MTUS2: variants seen among roughly 807,000 people sequenced by gnomAD.
MTUS2 encodes microtubule-associated tumor suppressor candidate 2.
Under a neutral mutation model 114.1 loss-of-function variants are expected in MTUS2, and 40 were observed. The ratio of observed to expected loss-of-function variants is 0.35; its 90% CI spans 0.27 to 0.46. The LOEUF is 0.46. Ranked by LOEUF, MTUS2 falls within the 20% of genes least tolerant of loss-of-function variation. The pLI is 1.00. For missense variants in MTUS2, 1,679 were observed against 1,705.4 expected, an observed-to-expected ratio of 0.98 and a Z score of 0.27; for synonymous variants, 688 against 672.0, an observed-to-expected ratio of 1.02 and a Z score of -0.37.
chr13:29,162,415 T>C (rs1260925763), intron 5 of MTUS2, among the ~76,000 whole-genome samples: 1 of 152,204 alleles, frequency 6.6e-6, no homozygotes, highest in East Asian at 1.9e-4. Flanking sequence ...CCTGATCATA[T>C]CCCAAGTTCC....
intron 5 of MTUS2, among the ~76,000 whole-genome samples, chr13:29,233,988 C>A (rs1896437315): frequency 6.6e-6 from 1 of 152,100 alleles, no homozygotes; most frequent in Non-Finnish European, 1.5e-5. Flanking sequence ...ACTAAGCCTA[C>A]ATTTTTAAGA....
chr13:29,430,136 A>G (rs970719901), intron 8 of MTUS2, among the ~76,000 whole-genome samples: 3 of 150,732 alleles, frequency 2.0e-5, no homozygotes, highest in Admixed American at 6.7e-5. Context: ...CGAAGTGGTC[A>G]CAAAAGAGTA....
intron 5 of MTUS2, among the ~76,000 whole-genome samples, chr13:29,172,264 A>G (rs1893595461): frequency 6.6e-6 from 1 of 152,204 alleles, no homozygotes. Flanking sequence ...GCAGAACTTG[A>G]CAATGTCCAA....
At chr13:29,077,397 A>T (rs1007479750) in intron 4 of MTUS2, among the ~76,000 whole-genome samples, 1 of 150,248 alleles carries the variant, frequency 6.7e-6, no homozygotes, top group Non-Finnish European at 1.5e-5. Context: ...TGGTAAAATT[A>T]AAAAAAAAAT....
At chr13:29,343,978 A>T (rs1868415986) in intron 7 of MTUS2, among the ~76,000 whole-genome samples, 1 of 151,944 alleles carries the variant, frequency 6.6e-6, no homozygotes, top group Non-Finnish European at 1.5e-5. Context: ...TTCCTTTTGG[A>T]GTTGAGTTCC....
At chr13:28,887,462 C>G (rs1878660641) in intron 2 of MTUS2, among the ~76,000 whole-genome samples, 1 of 152,206 alleles carries the variant, frequency 6.6e-6, no homozygotes, top group Non-Finnish European at 1.5e-5. Flanking sequence ...GTGAGGCAGG[C>G]AGGGTCTAGT....
rs760931659 is a variant in MTUS2, at chr13:29,501,162, A to G, written c.3864A>G (p.Lys1288=). ...TCCAACAGCAGAACGAAGACCTCAA[A>G]GCAAGGATTGACCAAAACACAGTTG... ...QVLQQQNEDL[K]ARIDQNTVVT... Residue 1288 remains lysine (K), a synonymous_variant, in exon 15 of 16, where the codon AAA becomes AAG. Coordinates refer to ENST00000612955, the MANE Select transcript of MTUS2 (RefSeq NM_001033602.4). The G allele has an allele frequency of 1.2e-6, 2 of 1,614,210 alleles. No individual in the cohort carries two copies. The highest frequency in any genetic ancestry group is 1.7e-6 in the Non-Finnish European group (2 of 1,180,016).
chr13:29,065,941 C>G (rs776733228), intron 4 of MTUS2, among the ~76,000 whole-genome samples: 5 of 152,140 alleles, frequency 3.3e-5, no homozygotes, highest in Admixed American at 2.0e-4. Flanking sequence ...GCAAAGCCCC[C>G]TGGGTCAGGT....
intron 4 of MTUS2, among the ~76,000 whole-genome samples, chr13:29,045,842 C>G (rs1887589054): frequency 6.6e-6 from 1 of 152,106 alleles, no homozygotes; most frequent in East Asian, 1.9e-4. Flanking sequence ...GATTTCTCTC[C>G]CCTCCTGGGC....
chr13:29,364,461 G>T (rs914980091), intron 8 of MTUS2, among the ~76,000 whole-genome samples: 1 of 152,170 alleles, frequency 6.6e-6, no homozygotes, highest in Non-Finnish European at 1.5e-5. Context: ...TGCAGTGATT[G>T]CTCTAGCATG....
intron 2 of MTUS2, among the ~76,000 whole-genome samples, chr13:28,984,290 G>C (rs1322779644): frequency 1.3e-5 from 2 of 152,122 alleles, no homozygotes; most frequent in East Asian, 3.9e-4. Flanking sequence ...AGAATCTCTT[G>C]GGAAAAATGA....
At chr13:29,197,452 T>G (rs1437518173) in intron 5 of MTUS2, among the ~76,000 whole-genome samples, 1 of 152,208 alleles carries the variant, frequency 6.6e-6, no homozygotes, top group Non-Finnish European at 1.5e-5. Flanking sequence ...CCACATTTTC[T>G]TTATCCAGTC....
rs558826038 is a variant in MTUS2 at position 29,296,839 on chromosome 13, G to A, written c.2806+14974G>A. Among the ~76,000 whole-genome samples the A allele has an allele frequency of 1.2e-4, 19 of 152,032 alleles. No individual in the cohort carries two copies. The South Asian group carries it at 3.7e-3, about 30-fold the overall frequency. ...TTGTTTAAGTTCTTTTTATATCCTG[G>A]ATATTAATCTCTTGTTGGATGAATC... On this transcript the variant is annotated intron_variant, in intron 6 of 15. Transcript: ENST00000612955.
At chr13:28,925,929 A>G (rs919457583) in intron 2 of MTUS2, among the ~76,000 whole-genome samples, 1 of 152,096 alleles carries the variant, frequency 6.6e-6, no homozygotes, top group Non-Finnish European at 1.5e-5. Context: ...AAATAAAACA[A>G]CCTTGGCATT....
chr13:29,255,936 G>A (rs751834785), intron 5 of MTUS2, among the ~76,000 whole-genome samples: 24 of 152,120 alleles, frequency 1.6e-4, no homozygotes, highest in Non-Finnish European at 2.4e-4. Flanking sequence ...TTTATTATCT[G>A]GCCTGGTTCA....
chr13:29,226,716 T>C (rs1428879247), intron 5 of MTUS2, among the ~76,000 whole-genome samples: 1 of 152,150 alleles, frequency 6.6e-6, no homozygotes, highest in African/African-American at 2.4e-5. Context: ...AATATTAAAA[T>C]TTTTACTGAG....
At position 29,025,629 on chromosome 13, in the gene MTUS2, G is replaced by C. The variant is rs980829147; in HGVS notation, c.931G>C (p.Asp311His). The C allele has an allele frequency of 2.5e-6, 4 of 1,614,046 alleles. No individual in the cohort carries two copies. The highest frequency in any genetic ancestry group is 3.4e-6 in the Non-Finnish European group (4 of 1,179,886). Residue 311 changes from aspartate to histidine, a missense_variant, in exon 3 of 16, where the codon GAT (aspartate) becomes CAT (histidine). By Grantham distance (81) the Asp-to-His change is moderately conservative. This residue lies in a region of MTUS2 where 843 missense variants were observed against 770.8 expected (regional missense o/e 1.09). Transcript: ENST00000612955. ...LGQGKGEAKL[D>H]LKYVPPRRVE... ...TCAGGGAAAGGGAGAGGCCAAGCTG[G>C]ATCTGAAATATGTTCCTCCCAGGAG...
intron 8 of MTUS2, among the ~76,000 whole-genome samples, chr13:29,362,477 G>T (rs1023936709): frequency 6.6e-6 from 1 of 151,204 alleles, no homozygotes; most frequent in African/African-American, 2.4e-5. Context: ...GGCCAGGCTC[G>T]AGCAGCCTGG....
chr13:29,359,445 C>T lies in MTUS2; in HGVS notation c.3089C>T (p.Ala1030Val), dbSNP rs1299956829. The T allele has an allele frequency of 6.2e-7, 1 of 1,612,068 alleles. No individual in the cohort carries two copies. ...GCCATCTGCGGCTTTGATGCCCTCGCCGTGGCCACGCAGCATTTCTTTAGA... is the reference window on the plus strand; with the variant it reads ...GCCATCTGCGGCTTTGATGCCCTCGTCGTGGCCACGCAGCATTTCTTTAGA... Reference protein sequence around the residue: ...KRAICGFDALAVATQHFFRKN... With the variant: ...KRAICGFDALVVATQHFFRKN... The change falls in exon 8 of 16, where the codon GCC becomes GTC. Residue 1030 changes from alanine (A) to valine (V), a missense_variant. Around this residue, in one of 3 missense-constraint regions of MTUS2, gnomAD observed 822 missense variants for 899.7 expected, o/e 0.91. Transcript: ENST00000612955.
Sources: gnomAD v4.1 joint callset for allele counts (sites outside exome capture counted in the v4.1 genomes callset) on GRCh38, gnomAD v4.1.1 for gene constraint, gnomAD v4.1.1 regional missense constraint, MANE v1.5 for transcripts, NCBI Gene and HGNC (gene_info 2026-07-23, HGNC 2026-07-21) for gene names.